PCDHA2: variants seen among roughly 807,000 people sequenced by gnomAD.
PCDHA2 encodes protocadherin alpha 2, also known as protocadherin alpha-2.
Under a neutral mutation model 66.0 loss-of-function variants are expected in PCDHA2, and 58 were observed. The ratio of observed to expected loss-of-function variants is 0.88; its 90% CI spans 0.71 to 1.09. The LOEUF (loss-of-function observed/expected upper bound fraction) is 1.09, where lower values mean the gene tolerates loss of function less well. PCDHA2 is among the 50% of genes least tolerant of loss of function. PCDHA2 has a pLI of 0.00. For missense variants in PCDHA2, 1,267 were observed against 1,242.3 expected (o/e 1.02, Z -0.30); for synonymous variants, 634 against 554.0 (o/e 1.14, Z -2.03).
rs113124123 is a variant in PCDHA2 at position 140,823,491 on chromosome 5, C to G, written c.2388+26139C>G. On this transcript the variant is annotated intron_variant, in intron 1 of 3. Coordinates refer to ENST00000526136, the MANE Select transcript of PCDHA2 (RefSeq NM_018905.3). ...TGCTGGTGCCTCGAGTGGGTGGCAC[C>G]GGCGGCGCAGTGAGCGAGCTGGTGC... is the stretch of plus-strand genomic sequence containing the variant. 2.2e-3 allele frequency: 3,506 copies of G among 1,613,202 alleles called. 74 individuals carry two copies. The African/African-American group carries it at 0.041, about 19-fold the overall frequency.
At chr5:140,926,789 G>A in intron 1 of PCDHA2, 1 of 1,432,318 alleles carries the variant, frequency 7.0e-7, no homozygotes, top group East Asian at 2.5e-5. Flanking sequence ...CGGCCGGCAG[G>A]AGCGTGCTCT....
At position 140,892,846 on chromosome 5, in the gene PCDHA2, A is replaced by G. The variant is rs1301960107; in HGVS notation, c.2389-86103A>G. Among the ~76,000 whole-genome samples, 3 of 152,112 alleles carry G rather than the reference A, an allele frequency of 2.0e-5. No homozygotes were observed. In the East Asian group the frequency reaches 5.8e-4, roughly 29 times the overall value. On this transcript the variant is annotated intron_variant, in intron 1 of 3. Transcript: ENST00000526136. ...TGCTACAGTGCTGCAAAACACCACA[A>G]CCCATTCCTCCTGTGTAGCTATAAT...
intron 1 of PCDHA2, among the ~76,000 whole-genome samples, chr5:140,920,771 G>A (rs1256445366): frequency 6.6e-6 from 1 of 151,698 alleles, no homozygotes; most frequent in African/African-American, 2.4e-5. Context: ...TTACACCTGG[G>A]AGGTGGAGGT....
chr5:140,814,016 A>C (rs1002153926), intron 1 of PCDHA2: 1 of 152,744 alleles, frequency 6.5e-6, no homozygotes, highest in Non-Finnish European at 1.5e-5. Context: ...TTCTTTCTTC[A>C]GTAATAAATT....
chr5:140,979,604 A>T (rs1326370777), intron 2 of PCDHA2, among the ~76,000 whole-genome samples: 1 of 152,204 alleles, frequency 6.6e-6, no homozygotes, highest in African/African-American at 2.4e-5. Context: ...AAATTAACCT[A>T]GAGTAACGGT....
chr5:140,829,569 C>G (rs2150170274), intron 1 of PCDHA2: 1 of 1,612,602 alleles, frequency 6.2e-7, no homozygotes, highest in East Asian at 2.2e-5. Context: ...GTGTCCTACT[C>G]GCTGGTGGAG....
At position 140,876,399 on chromosome 5, in the gene PCDHA2, T is replaced by C. The variant is rs141337647; in HGVS notation, c.2388+79047T>C. The C allele has an allele frequency of 1.9e-4, 306 of 1,613,906 alleles. 1 individual carries two copies. In the African/African-American group the frequency reaches 3.4e-3, roughly 18 times the overall value. On this transcript the variant is annotated intron_variant, in intron 1 of 3. Transcript: ENST00000526136. Reference sequence around the variant, plus strand: ...AAATTAGAATTTATGGTGAACTGGATTTTGAAGAGAATAATGCCTATGAAA... The same window carrying C: ...AAATTAGAATTTATGGTGAACTGGACTTTGAAGAGAATAATGCCTATGAAA...
At chr5:140,928,271 C>G in intron 1 of PCDHA2, 2 of 1,614,186 alleles carry the variant, frequency 1.2e-6, no homozygotes, top group East Asian at 4.5e-5. Flanking sequence ...AACAATGGCC[C>G]TGGGGCCTCT....
At position 140,795,207 on chromosome 5, in the gene PCDHA2, T is replaced by C; in HGVS notation, c.243T>C (p.Asn81=). 13 of 1,614,154 alleles carry C rather than the reference T, an allele frequency of 8.1e-6. No homozygotes were observed. The highest frequency in any genetic ancestry group is 1.1e-5 in the Non-Finnish European group (13 of 1,180,038). Residue 81 remains asparagine (N), a synonymous_variant, in exon 1 of 4, where the codon AAT becomes AAC. Coordinates refer to ENST00000526136, the MANE Select transcript of PCDHA2 (RefSeq NM_018905.3). Reference sequence around the variant, plus strand: ...ACCTTCTGGAGGTAAATCTGCAGAATGGCATTTTGTTTGTGAATTCTCGGA... The same window carrying C: ...ACCTTCTGGAGGTAAATCTGCAGAACGGCATTTTGTTTGTGAATTCTCGGA... ...HGDLLEVNLQ[N]GILFVNSRID...
chr5:140,964,531 C>T (rs781961669), intron 1 of PCDHA2, among the ~76,000 whole-genome samples: 4 of 152,058 alleles, frequency 2.6e-5, no homozygotes, highest in Non-Finnish European at 5.9e-5. Context: ...CTCTGAGCTG[C>T]GTGCAGAGAT....
chr5:140,829,585 G>T (rs2150170592), intron 1 of PCDHA2: 20 of 1,612,244 alleles, frequency 1.2e-5, no homozygotes, highest in Non-Finnish European at 1.6e-5. Context: ...TGGAGCGGCG[G>T]GTGGGCGAGC....
chr5:141,011,752 C>T lies in PCDHA2; in HGVS notation c.*1815C>T, dbSNP rs1051150394. On this transcript the variant is annotated 3_prime_UTR_variant, in exon 4 of 4. Transcript: ENST00000526136. ...CAAGCACAAATTTTACCAATCTGAC[C>T]TCTTTGAAGTTGCAGAATGCTTTGA... The T allele has an allele frequency of 6.5e-6, 1 of 153,662 alleles. No homozygotes were observed. The highest frequency in any genetic ancestry group is 6.5e-5 in the Admixed American group (1 of 15,272). The allele number at this position is 153,662 out of a possible 1,614,324, so 9.5% of individuals were successfully genotyped here. A position where few individuals can be genotyped will look rare whatever the true frequency, so the allele number is the denominator to read the frequency against.
intron 1 of PCDHA2, among the ~76,000 whole-genome samples, chr5:140,945,037 T>C (rs2093728945): frequency 6.6e-6 from 1 of 152,178 alleles, no homozygotes; most frequent in Non-Finnish European, 1.5e-5. Context: ...TAATTATCTT[T>C]GGTCTTATAT....
chr5:140,918,334 A>G (rs1419491986), intron 1 of PCDHA2, among the ~76,000 whole-genome samples: 1 of 152,144 alleles, frequency 6.6e-6, no homozygotes, highest in Non-Finnish European at 1.5e-5. Context: ...ATTGTCTGCT[A>G]AGAGAGATAG....
chr5:140,850,946 T>A (rs2150503431), intron 1 of PCDHA2: 1 of 1,504,084 alleles, frequency 6.6e-7, no homozygotes, highest in East Asian at 2.3e-5. Flanking sequence ...AAAGATATTA[T>A]CGATTACTCC....
At chr5:140,947,209 A>C (rs1462777257) in intron 1 of PCDHA2, among the ~76,000 whole-genome samples, 2 of 151,580 alleles carry the variant, frequency 1.3e-5, no homozygotes, top group Non-Finnish European at 3.0e-5. Flanking sequence ...AAAAAAAGAA[A>C]ATCCTGTCAT....
chr5:140,842,481 G>T (rs1554139090), intron 1 of PCDHA2: 1 of 1,613,806 alleles, frequency 6.2e-7, no homozygotes, highest in East Asian at 2.2e-5. Flanking sequence ...CAGGTGACCT[G>T]CTCCCTGATG....
At chr5:141,008,751 AG>A (rs1234240078) in intron 3 of PCDHA2, among the ~76,000 whole-genome samples, 11 of 152,244 alleles carry the variant, frequency 7.2e-5, no homozygotes, top group African/African-American at 2.2e-4. Context: ...CACTGAGGGA[AG>A]GAATTTGGCT....
At chr5:141,007,712 A>G (rs2098342161) in intron 3 of PCDHA2, among the ~76,000 whole-genome samples, 1 of 152,170 alleles carries the variant, frequency 6.6e-6, no homozygotes, top group Non-Finnish European at 1.5e-5. Context: ...GCCTCCCACC[A>G]CCAGGGAGAA....
Sources: gnomAD v4.1 joint callset for allele counts (sites outside exome capture counted in the v4.1 genomes callset) on GRCh38, gnomAD v4.1.1 for gene constraint, MANE v1.5 for transcripts, NCBI Gene and HGNC (gene_info 2026-07-23, HGNC 2026-07-21) for gene names.